LTBP2: variants seen among roughly 807,000 people sequenced by gnomAD.
The protein encoded by LTBP2 is latent transforming growth factor beta binding protein 2.
Under a neutral mutation model 210.6 loss-of-function variants are expected in LTBP2, and 103 were observed. The ratio of observed to expected loss-of-function variants is 0.49; its 90% CI spans 0.42 to 0.58. The LOEUF (loss-of-function observed/expected upper bound fraction) is 0.58. LTBP2 is among the 20% of genes least tolerant of loss of function. The probability of loss-of-function intolerance (pLI) is 0.00; values close to 1 mark genes in which losing one functional copy is unlikely to be tolerated. For synonymous variants in LTBP2, 1,007 were observed against 1,015.0 expected (o/e 0.99, Z 0.15); for missense variants, 2,313 against 2,494.5 (o/e 0.93, Z 1.55).
intron 3 of LTBP2, among the ~76,000 whole-genome samples, chr14:74,584,892 C>T (rs374250067): frequency 5.5e-4 from 83 of 152,274 alleles, no homozygotes; most frequent in African/African-American, 1.9e-3. Context: ...CCTAACCTTT[C>T]CTGCTGGAAC....
chr14:74,535,184 C>T (rs1285527749), intron 9 of LTBP2, among the ~76,000 whole-genome samples: 1 of 152,084 alleles, frequency 6.6e-6, no homozygotes, highest in Non-Finnish European at 1.5e-5. Flanking sequence ...ACTTCTGCAG[C>T]CTGGCACCCC....
chr14:74,508,491 A>G, intron 24 of LTBP2, 113 bp downstream of exon 24: 1 of 1,525,902 alleles, frequency 6.6e-7, no homozygotes, highest in Non-Finnish European at 8.8e-7. Context: ...CTGGTATTAA[A>G]AGGGACACCA....
In LTBP2 at chr14:74,527,359, A is replaced by G; in HGVS notation, c.2376T>C (p.Ser792=). 2 of 1,611,474 alleles carry G rather than the reference A, an allele frequency of 1.2e-6. No individual in the cohort carries two copies. The highest frequency in any genetic ancestry group is 1.7e-6 in the Non-Finnish European group (2 of 1,179,116). Residue 792 remains serine, a synonymous_variant, in exon 13 of 36, where the codon TCT becomes TCC. Coordinates refer to ENST00000261978, the MANE Select transcript of LTBP2 (RefSeq NM_000428.3). ...AGGACGCACTCACCTGGCCAGCCTG[A>G]GAGTCACCTGGAAGGGAAAGGTAAC... ...EAGTIPDKGD[S]QAGQVTTSVT...
chr14:74,592,901 G>A (rs1292685515), intron 2 of LTBP2, among the ~76,000 whole-genome samples: 2 of 152,082 alleles, frequency 1.3e-5, no homozygotes, highest in Non-Finnish European at 2.9e-5. Context: ...GCTTGCCAAT[G>A]CCAGTCTCTA....
chr14:74,501,221 C>A (rs1213186545), intron 35 of LTBP2, among the ~76,000 whole-genome samples, 192 bp from the exon 36 acceptor site: 1 of 152,344 alleles, frequency 6.6e-6, no homozygotes, highest in Middle Eastern at 3.4e-3. Context: ...ATACCATGCC[C>A]AAGACCGTGC....
intron 10 of LTBP2, 114 bp downstream of exon 10, chr14:74,532,312 G>A (rs927592322): frequency 1.4e-6 from 2 of 1,423,508 alleles, no homozygotes; most frequent in Non-Finnish European, 2.0e-6. Context: ...CAGGCCCTGA[G>A]CATGGCGTGA....
In LTBP2 at chr14:74,528,653, G is replaced by A. The variant is rs371440115; in HGVS notation, c.2198C>T (p.Ala733Val). 1.9e-5 allele frequency: 30 copies of A among 1,613,214 alleles called. No individual in the cohort carries two copies. Among genetic ancestry groups the A allele is most frequent in the South Asian group, 7.7e-5 (7 of 91,086 alleles). Residue 733 changes from alanine to valine, a missense_variant, in exon 12 of 36, where the codon GCG (alanine) becomes GTG (valine). Physicochemically the swap from Ala to Val is moderately conservative, Grantham distance 64 (BLOSUM62 0). Coordinates refer to ENST00000261978, the MANE Select transcript of LTBP2 (RefSeq NM_000428.3). ...ICPAGHGYTYASSDIRLSMRK... is the reference protein window; with the variant it reads ...ICPAGHGYTYVSSDIRLSMRK... ...CATGGACAGGCGGATGTCGGAGCTC[G>A]CGTAGGTGTAGCCGTGGCCGGCAGG...
At position 74,553,075 on chromosome 14, in the gene LTBP2, G is replaced by A. The variant is rs777503063; in HGVS notation, c.1022-13C>T. ...GTGAGGTTCAGCCCTGCAGAGAGAG[G>A]GCTTGGGTCCAGGGGGCAGGGCTGA... On this transcript the variant is annotated splice_polypyrimidine_tract_variant and intron_variant, in intron 4 of 35. Transcript: ENST00000261978. The A allele has an allele frequency of 3.7e-6, 6 of 1,613,944 alleles. No individual in the cohort carries two copies. In the South Asian group the frequency reaches 6.6e-5, roughly 18 times the overall value.
chr14:74,546,078 A>C (rs1185849657), intron 8 of LTBP2, among the ~76,000 whole-genome samples: 1 of 152,170 alleles, frequency 6.6e-6, no homozygotes, highest in Non-Finnish European at 1.5e-5. Context: ...CCAGAATGTG[A>C]CTGAAGGGAA....
chr14:74,504,513 G>T (rs1382041143), intron 30 of LTBP2, among the ~76,000 whole-genome samples: 2 of 152,246 alleles, frequency 1.3e-5, no homozygotes, highest in Non-Finnish European at 2.9e-5. Context: ...GTGGGTGAGA[G>T]TTAGTCAAGG....
intron 3 of LTBP2, among the ~76,000 whole-genome samples, chr14:74,572,312 T>TGTGG (rs1230800725): frequency 1.6e-5 from 1 of 62,526 alleles, no homozygotes; most frequent in African/African-American, 3.8e-5. Context: ...TGTGTCTGTG[T>TGTGG]GTGTGTGTGT....
intron 2 of LTBP2, among the ~76,000 whole-genome samples, chr14:74,596,544 ATGCCGC>A (rs1237669673): frequency 1.3e-5 from 2 of 152,224 alleles, no homozygotes; most frequent in Non-Finnish European, 2.9e-5. Context: ...GAGTGTGGAG[ATGCCGC>A]TGCAGGAAGT....
chr14:74,522,520 G>A (rs1045191687), intron 16 of LTBP2, among the ~76,000 whole-genome samples: 31 of 152,048 alleles, frequency 2.0e-4, no homozygotes, highest in African/African-American at 7.5e-4. Context: ...CAGAGAAGAG[G>A]GCTGCCAGGC....
At chr14:74,516,502 G>T (rs184791899) in intron 18 of LTBP2, among the ~76,000 whole-genome samples, 2 of 152,156 alleles carry the variant, frequency 1.3e-5, no homozygotes, top group African/African-American at 4.8e-5. Flanking sequence ...CAGACACACC[G>T]ACTCTTCCTC....
Position 74,556,233 on chromosome 14 carries a change from T to C in LTBP2, c.831-540A>G, listed in dbSNP as rs144333627. On this transcript the variant is annotated intron_variant, in intron 3 of 35. Transcript: ENST00000261978. ...TATTGTAAGAATAATGTAACAACAA[T>C]ATTCAAGGAGAAAAACATGAATTCA... Among the ~76,000 whole-genome samples, 3 of 152,334 alleles carry C rather than the reference T, an allele frequency of 2.0e-5. No homozygotes were observed. The East Asian group carries it at 5.8e-4, about 29-fold the overall frequency.
chr14:74,610,489 C>G (rs1032061785), intron 1 of LTBP2, among the ~76,000 whole-genome samples: 2 of 152,204 alleles, frequency 1.3e-5, no homozygotes, highest in Non-Finnish European at 2.9e-5. Flanking sequence ...ACTGGCAAAT[C>G]GGGCCCAGGC....
chr14:74,583,806 C>T (rs2088168240), intron 3 of LTBP2, among the ~76,000 whole-genome samples: 2 of 152,250 alleles, frequency 1.3e-5, no homozygotes, highest in African/African-American at 2.4e-5. Context: ...ATGAGCAGAA[C>T]ACAGTCCCTG....
At chr14:74,543,433 T>C (rs2139736940) in intron 8 of LTBP2, among the ~76,000 whole-genome samples, 1 of 150,100 alleles carries the variant, frequency 6.7e-6, no homozygotes, top group South Asian at 2.1e-4. Flanking sequence ...GGAGTCATTG[T>C]GAGGATTAGC....
chr14:74,611,221 G>A (rs2088601965), intron 1 of LTBP2, among the ~76,000 whole-genome samples: 1 of 152,218 alleles, frequency 6.6e-6, no homozygotes, highest in Non-Finnish European at 1.5e-5. Flanking sequence ...CGGGGCTCCG[G>A]GAGAGTTGGT....
Sources: gnomAD v4.1 joint callset for allele counts (sites outside exome capture counted in the v4.1 genomes callset) on GRCh38, gnomAD v4.1.1 for gene constraint, MANE v1.5 for transcripts, NCBI Gene and HGNC (gene_info 2026-07-23, HGNC 2026-07-21) for gene names.